The following NALCN variants were observed in gnomAD, a reference collection of about 807,000 sequenced individuals.
The protein encoded by NALCN is sodium leak channel, non-selective.
Under a neutral mutation model 225.3 loss-of-function variants are expected in NALCN, and 111 were observed. The ratio of observed to expected loss-of-function variants is 0.49; its 90% CI spans 0.42 to 0.58. The LOEUF (loss-of-function observed/expected upper bound fraction) is 0.58, where lower values mean the gene tolerates loss of function less well. NALCN is among the 20% of genes least tolerant of loss of function. The pLI is 0.00. For synonymous variants in NALCN, 764 were observed against 769.0 expected (o/e 0.99, Z 0.11); for missense variants, 1,378 against 2,202.4 (o/e 0.63, Z 7.49).
At chr13:101,321,843 T>A (rs2044756370) in intron 7 of NALCN, among the ~76,000 whole-genome samples, 1 of 152,168 alleles carries the variant, frequency 6.6e-6, no homozygotes, top group Non-Finnish European at 1.5e-5. Flanking sequence ...AATAATGTTA[T>A]CTTGGAGATA....
chr13:101,295,793 A>G lies in NALCN; in HGVS notation c.800-3427T>C, dbSNP rs140505447. Among the ~76,000 whole-genome samples, 986 of 152,320 alleles carry G rather than the reference A, an allele frequency of 6.5e-3. 33 individuals carry two copies. Among genetic ancestry groups the G allele is most frequent in the Admixed American group, 0.053 (806 of 15,298 alleles). ...TGAAGAAGTAACAGTTACAAAGGCA[A>G]AGGCAATGGACGAAGATGGTCCTTC... On this transcript the variant is annotated intron_variant, in intron 7 of 43. Transcript: ENST00000251127.
At chr13:101,394,383 T>C (rs1943763726) in intron 3 of NALCN, among the ~76,000 whole-genome samples, 1 of 152,200 alleles carries the variant, frequency 6.6e-6, no homozygotes, top group Non-Finnish European at 1.5e-5. Context: ...TCACCAAAAT[T>C]AGCTAACTTG....
chr13:101,134,749 C>A (rs1044215150), intron 17 of NALCN, among the ~76,000 whole-genome samples: 5 of 152,004 alleles, frequency 3.3e-5, no homozygotes, highest in African/African-American at 1.2e-4. Flanking sequence ...GACAATGTTT[C>A]GGCCACTAAC....
At chr13:101,253,028 A>T (rs1028779116) in intron 11 of NALCN, among the ~76,000 whole-genome samples, 1 of 152,092 alleles carries the variant, frequency 6.6e-6, no homozygotes, top group Non-Finnish European at 1.5e-5. Flanking sequence ...AGAAAATAAT[A>T]TATATTTTAA....
chr13:101,313,910 C>A (rs1368786781), intron 7 of NALCN, among the ~76,000 whole-genome samples: 1 of 151,946 alleles, frequency 6.6e-6, no homozygotes, highest in Non-Finnish European at 1.5e-5. Context: ...TGGAACCAAC[C>A]CAAATGTCCA....
intron 18 of NALCN, among the ~76,000 whole-genome samples, chr13:101,122,260 CA>C (rs1350556629): frequency 2.0e-5 from 3 of 152,088 alleles, no homozygotes; most frequent in Non-Finnish European, 4.4e-5. Context: ...GAAGAAAAAA[CA>C]AAATGGCTTT....
At position 101,161,700 on chromosome 13, in the gene NALCN, C is replaced by T. The variant is rs534337637; in HGVS notation, c.1839+14600G>A. On this transcript the variant is annotated intron_variant, in intron 15 of 43. Coordinates refer to ENST00000251127, the MANE Select transcript of NALCN (RefSeq NM_052867.4). ...CAGCCTGGCCAACATGGTGAAACCCCGTCTCTTCTAAAAATATAAAAATTA... is the reference window on the plus strand; with the variant it reads ...CAGCCTGGCCAACATGGTGAAACCCTGTCTCTTCTAAAAATATAAAAATTA... 1.7e-4 allele frequency among the ~76,000 whole-genome samples: 26 copies of T among 152,174 alleles called. No homozygotes were observed. The East Asian group carries it at 2.5e-3, about 15-fold the overall frequency.
rs10622707 is a variant in NALCN at position 101,259,751 on chromosome 13, T to TATATATATACAC, written c.1135-1178_1135-1177insGTGTATATATAT. Among the ~76,000 whole-genome samples the TATATATATACAC allele has an allele frequency of 3.8e-5, 5 of 131,936 alleles. No homozygotes were observed. In the East Asian group the frequency reaches 8.7e-4, roughly 23 times the overall value. 86.6% of individuals were successfully genotyped at this position (131,936 alleles called of 152,430 possible). On this transcript the variant is annotated intron_variant, in intron 10 of 43. Coordinates refer to ENST00000251127, the MANE Select transcript of NALCN (RefSeq NM_052867.4). ...GTAAGTGTATATATATATATATATA[T>TATATATATACAC]ACACACACACATAAATATATATATA... is the stretch of plus-strand genomic sequence containing the variant.
intron 1 of NALCN, among the ~76,000 whole-genome samples, chr13:101,410,925 G>A (rs746150784): frequency 1.3e-5 from 2 of 152,072 alleles, no homozygotes; most frequent in Non-Finnish European, 2.9e-5. Flanking sequence ...AGTTTTTGTG[G>A]ATATATCTTT....
intron 6 of NALCN, among the ~76,000 whole-genome samples, chr13:101,375,786 C>T (rs978735577): frequency 6.6e-6 from 1 of 152,122 alleles, no homozygotes; most frequent in Non-Finnish European, 1.5e-5. Context: ...CCAATCCCTG[C>T]TGCCCTGAAA....
rs139719354 is a variant in NALCN at position 101,226,013 on chromosome 13, T to C, written c.1626+3380A>G. Among the ~76,000 whole-genome samples the C allele has an allele frequency of 5.3e-3, 800 of 152,116 alleles. 6 individuals are homozygous for C. The highest frequency in any genetic ancestry group is 0.017 in the African/African-American group (725 of 41,502). The stretch of plus-strand genomic sequence containing the variant: ...CTCTGACCCTCCACTCAGCAGGAAG[T>C]AGCCAGAAAGAATATACCACCCCTC... On this transcript the variant is annotated intron_variant, in intron 13 of 43. Transcript: ENST00000251127.
chr13:101,355,516 G>A (rs994391182), intron 6 of NALCN, among the ~76,000 whole-genome samples: 17 of 152,136 alleles, frequency 1.1e-4, no homozygotes, highest in African/African-American at 4.1e-4. Flanking sequence ...AAATATATAT[G>A]CACCCAATAC....
chr13:101,113,025 A>T (rs2035528006), intron 18 of NALCN, among the ~76,000 whole-genome samples: 1 of 152,240 alleles, frequency 6.6e-6, no homozygotes, highest in Admixed American at 6.5e-5. Flanking sequence ...GATGAAGATA[A>T]TTATGGTGAA....
intron 3 of NALCN, among the ~76,000 whole-genome samples, chr13:101,381,871 T>A (rs1315967193): frequency 6.6e-6 from 1 of 152,134 alleles, no homozygotes; most frequent in African/African-American, 2.4e-5. Context: ...AAAAGAAAAG[T>A]ATCACTTCAT....
intron 7 of NALCN, among the ~76,000 whole-genome samples, chr13:101,296,068 C>A (rs2043743300): frequency 6.6e-6 from 1 of 152,172 alleles, no homozygotes; most frequent in Non-Finnish European, 1.5e-5. Context: ...CTGGGCTGCC[C>A]AGCTCAGCTC....
intron 7 of NALCN, among the ~76,000 whole-genome samples, chr13:101,310,375 TGAG>T (rs891187671): frequency 5.9e-5 from 9 of 152,286 alleles, no homozygotes; most frequent in African/African-American, 1.7e-4. Flanking sequence ...CCTCCTCATA[TGAG>T]GAGGAGAGCA....
intron 11 of NALCN, among the ~76,000 whole-genome samples, chr13:101,254,818 G>C (rs1274221921): frequency 2.6e-5 from 2 of 75,534 alleles, no homozygotes; most frequent in Admixed American, 1.2e-4. Flanking sequence ...GTGAACCCGG[G>C]AGGCGGAGCT....
chr13:101,182,714 T>G (rs993711121), intron 14 of NALCN, among the ~76,000 whole-genome samples: 3 of 152,134 alleles, frequency 2.0e-5, no homozygotes, highest in Non-Finnish European at 4.4e-5. Flanking sequence ...CAACTGGCAC[T>G]CCGGGTGAGA....
intron 15 of NALCN, among the ~76,000 whole-genome samples, chr13:101,167,841 AAAAAC>A (rs374094061): frequency 1.1e-5 from 1 of 88,750 alleles, no homozygotes; most frequent in Non-Finnish European, 3.2e-5. Flanking sequence ...TCTGTCAAAA[AAAAAC>A]AAAAACAAAA....
Sources: gnomAD v4.1 joint callset for allele counts (sites outside exome capture counted in the v4.1 genomes callset) on GRCh38, gnomAD v4.1.1 for gene constraint, MANE v1.5 for transcripts, NCBI Gene and HGNC (gene_info 2026-07-23, HGNC 2026-07-21) for gene names.